CUX1: variants seen among roughly 807,000 people sequenced by gnomAD.
The protein encoded by CUX1 is cut like homeobox 1.
Under a neutral mutation model 158.8 loss-of-function variants are expected in CUX1, and 31 were observed. The ratio of observed to expected loss-of-function variants is 0.20; its 90% CI spans 0.15 to 0.26. CUX1 has a LOEUF of 0.26. CUX1 is among the 10% of genes least tolerant of loss of function. The pLI is 1.00. For synonymous variants in CUX1, 879 were observed against 862.1 expected, an observed-to-expected ratio of 1.02 and a Z score of -0.34; for missense variants, 1,589 against 2,014.6, an observed-to-expected ratio of 0.79 and a Z score of 4.04.
chr7:102,111,628 C>T (rs2131074204), intron 6 of CUX1, 70 bp from the exon 7 acceptor site: 2 of 1,439,146 alleles, frequency 1.4e-6, no homozygotes, highest in South Asian at 2.3e-5. Flanking sequence ...CTGAGCTCAG[C>T]CGAAAGGCAC....
At chr7:102,176,053 C>T (rs1792284795) in intron 10 of CUX1, among the ~76,000 whole-genome samples, 1 of 152,208 alleles carries the variant, frequency 6.6e-6, no homozygotes, top group Non-Finnish European at 1.5e-5. Flanking sequence ...GATGCTCGCT[C>T]CAGCCCCCCA....
At chr7:101,845,971 G>A (rs1010964172) in intron 1 of CUX1, among the ~76,000 whole-genome samples, 1 of 151,612 alleles carries the variant, frequency 6.6e-6, no homozygotes, top group African/African-American at 2.4e-5. Flanking sequence ...TTGCACCACT[G>A]CACTCCAGCC....
At chr7:101,957,149 T>C (rs1244410184) in intron 2 of CUX1, among the ~76,000 whole-genome samples, 2 of 152,218 alleles carry the variant, frequency 1.3e-5, no homozygotes, top group Non-Finnish European at 1.5e-5. Flanking sequence ...ACAGAAAAGA[T>C]CATGATATCA....
intron 21 of CUX1, among the ~76,000 whole-genome samples, chr7:102,231,395 G>A (rs1554530734): frequency 6.6e-6 from 1 of 151,726 alleles, no homozygotes; most frequent in East Asian, 1.9e-4. Flanking sequence ...AAACTCCTAG[G>A]CTGAAGTTAT....
intron 11 of CUX1, among the ~76,000 whole-genome samples, chr7:102,181,236 C>T (rs556685837): frequency 3.3e-5 from 5 of 152,190 alleles, no homozygotes; most frequent in African/African-American, 9.6e-5. Flanking sequence ...CACCGCGAAC[C>T]AGGTCATTTA....
chr7:101,931,699 G>A (rs1806311165), intron 2 of CUX1, among the ~76,000 whole-genome samples: 2 of 152,106 alleles, frequency 1.3e-5, no homozygotes, highest in Admixed American at 6.5e-5. Flanking sequence ...AAGTAGCTGG[G>A]GCTACAGGCA....
At chr7:102,056,042 A>G (rs78957112) in intron 3 of CUX1, among the ~76,000 whole-genome samples, 1,616 of 152,314 alleles carry the variant, frequency 0.011, 32 homozygotes, top group African/African-American at 0.037. Flanking sequence ...TGACTCTTCA[A>G]TTCTATGAAG....
intron 7 of CUX1, 71 bp downstream of exon 7, chr7:102,111,845 C>G: frequency 1.5e-6 from 2 of 1,377,054 alleles, no homozygotes; most frequent in Non-Finnish European, 2.1e-6. Context: ...CAGCCCCTGA[C>G]CGCCCCGGTC....
intron 1 of CUX1, among the ~76,000 whole-genome samples, chr7:101,836,770 G>A (rs1046552357): frequency 3.3e-5 from 5 of 151,502 alleles, no homozygotes; most frequent in Admixed American, 6.6e-5. Context: ...TGGAGAAACC[G>A]GGAGTGCCCG....
chr7:102,136,680 T>C (rs1554498858), intron 8 of CUX1, among the ~76,000 whole-genome samples: 1 of 152,210 alleles, frequency 6.6e-6, no homozygotes, highest in East Asian at 1.9e-4. Context: ...TGAGCCACCG[T>C]GCCCGGCCAT....
chr7:101,865,282 G>T (rs1429253993), intron 1 of CUX1, among the ~76,000 whole-genome samples: 1 of 152,224 alleles, frequency 6.6e-6, no homozygotes, highest in Admixed American at 6.5e-5. Context: ...TGTTATTATA[G>T]ACTGGTTGTT....
intron 7 of CUX1, among the ~76,000 whole-genome samples, chr7:102,113,646 C>G (rs140149925): frequency 0.015 from 2,307 of 151,812 alleles, 48 homozygotes; most frequent in African/African-American, 0.051. Context: ...CAGCCTCAAA[C>G]TCCTGGGCTG....
At chr7:102,085,176 A>G (rs919100026) in intron 4 of CUX1, among the ~76,000 whole-genome samples, 24 of 152,168 alleles carry the variant, frequency 1.6e-4, no homozygotes, top group Non-Finnish European at 3.1e-4. Context: ...TTGATTCTCA[A>G]ATGTTAAACA....
At chr7:101,957,939 C>T (rs572456592) in intron 2 of CUX1, among the ~76,000 whole-genome samples, 44 of 152,140 alleles carry the variant, frequency 2.9e-4, no homozygotes, top group Non-Finnish European at 5.9e-4. Flanking sequence ...TTACTCACTG[C>T]AGTCCCTGGG....
chr7:102,196,760 A>G lies in CUX1; in HGVS notation c.1349A>G (p.Gln450Arg), dbSNP rs782520356. The G allele has an allele frequency of 1.2e-6, 2 of 1,614,136 alleles. No individual in the cohort carries two copies. Among genetic ancestry groups the G allele is most frequent in the Non-Finnish European group, 1.7e-6 (2 of 1,180,040 alleles). The change falls in exon 15 of 24, where the codon CAG (glutamine) becomes CGG (arginine). Residue 450 changes from glutamine (Q) to arginine (R), a missense_variant. Gln to Arg is a conservative substitution (Grantham distance 43, BLOSUM62 1). Transcript: ENST00000292535. ...GCTTCCAATACTAATGGTACACACCAGTTCTCACCAGCGGGGTTAAGTCAA... is the reference window on the plus strand; with the variant it reads ...GCTTCCAATACTAATGGTACACACCGGTTCTCACCAGCGGGGTTAAGTCAA... ...EQASNTNGTH[Q>R]FSPAGLSQDF... is the part of the protein sequence containing the mutation.
intron 3 of CUX1, among the ~76,000 whole-genome samples, chr7:102,051,899 T>C (rs1164824679): frequency 6.6e-6 from 1 of 151,998 alleles, no homozygotes. Flanking sequence ...TTCCAGAACA[T>C]TTTCGTCAGC....
rs1199084130 is a variant in CUX1 at position 102,252,641 on chromosome 7, C to T, written c.*3599C>T. 2 of 985,288 alleles carry T rather than the reference C, an allele frequency of 2.0e-6. No homozygotes were observed. The highest frequency in any genetic ancestry group is 1.2e-4 in the Admixed American group (2 of 16,258). The allele number at this position is 985,288 out of a possible 1,614,324, so 61.0% of individuals were successfully genotyped here. ...TGACCCGGAGTTCCGGCCCAAGCTCCCTTGTGATAGCCGAGATGGCAGGTG... is the reference window on the plus strand; with the variant it reads ...TGACCCGGAGTTCCGGCCCAAGCTCTCTTGTGATAGCCGAGATGGCAGGTG... On this transcript the variant is annotated 3_prime_UTR_variant, in exon 24 of 24. Transcript: ENST00000292535.
intron 9 of CUX1, among the ~76,000 whole-genome samples, chr7:102,165,909 TGCTG>T (rs1790978010): frequency 6.6e-6 from 1 of 152,172 alleles, no homozygotes; most frequent in African/African-American, 2.4e-5. Flanking sequence ...TCTCTGTATT[TGCTG>T]GCTTGACTCT....
chr7:102,204,139 C>G (rs1042301207), intron 18 of CUX1, among the ~76,000 whole-genome samples: 3 of 152,208 alleles, frequency 2.0e-5, no homozygotes, highest in African/African-American at 4.8e-5. Context: ...CCTCTTCCCT[C>G]CCTGGGAGCT....
Sources: gnomAD v4.1 joint callset for allele counts (sites outside exome capture counted in the v4.1 genomes callset) on GRCh38, gnomAD v4.1.1 for gene constraint, MANE v1.5 for transcripts, NCBI Gene and HGNC (gene_info 2026-07-23, HGNC 2026-07-21) for gene names.